The following NPHP4 variants were observed in gnomAD, a reference collection of about 807,000 sequenced individuals.
The protein encoded by NPHP4 is nephrocystin 4.
Under a neutral mutation model 155.8 loss-of-function variants are expected in NPHP4, and 151 were observed. The observed-to-expected ratio is 0.97, with a 90% CI of 0.85 to 1.11. The LOEUF (loss-of-function observed/expected upper bound fraction) is 1.11, where lower values mean the gene tolerates loss of function less well. Among genes scored for constraint, NPHP4 ranks in the 50% least tolerant of loss-of-function variants. The probability of loss-of-function intolerance (pLI) is 0.00; values close to 1 mark genes in which losing one functional copy is unlikely to be tolerated. For synonymous variants in NPHP4, 845 were observed against 816.8 expected (o/e 1.03, Z -0.59); for missense variants, 1,956 against 1,925.7 (o/e 1.02, Z -0.29).
At chr1:5,964,941 A>ATAAATATTTTTTTTTTTTT in intron 5 of NPHP4, among the ~76,000 whole-genome samples, 1 of 59,428 alleles carries the variant, frequency 1.7e-5, no homozygotes, top group African/African-American at 8.5e-5. Flanking sequence ...ATATATATAT[A>ATAAATATTTTTTTTTTTTT]TTTTTTTTTT....
chr1:5,888,541 G>T, intron 17 of NPHP4: 1 of 1,347,442 alleles, frequency 7.4e-7, no homozygotes, highest in Non-Finnish European at 9.8e-7. Context: ...CACTGCATAC[G>T]ATCACTGCAT....
chr1:5,912,199 A>G (rs1014427701), intron 11 of NPHP4, among the ~76,000 whole-genome samples: 2 of 152,194 alleles, frequency 1.3e-5, no homozygotes, highest in Non-Finnish European at 2.9e-5. Flanking sequence ...ATGGGAGGAG[A>G]CCAGCCGGTG....
At chr1:5,976,387 A>G (rs1024431547) in intron 3 of NPHP4, among the ~76,000 whole-genome samples, 2 of 152,170 alleles carry the variant, frequency 1.3e-5, no homozygotes, top group Non-Finnish European at 2.9e-5. Context: ...CACCCGCCGC[A>G]TGGCTGTCAC....
chr1:5,934,816 CAG>C (rs1477413665), intron 9 of NPHP4, among the ~76,000 whole-genome samples: 1 of 152,206 alleles, frequency 6.6e-6, no homozygotes, highest in East Asian at 1.9e-4. Context: ...CCACCAGGAA[CAG>C]AGACACCCAG....
chr1:5,951,826 G>T (rs1467811001), intron 7 of NPHP4, among the ~76,000 whole-genome samples: 1 of 152,212 alleles, frequency 6.6e-6, no homozygotes, highest in Non-Finnish European at 1.5e-5. Context: ...GCTGTCAGAG[G>T]TGACAGGAGC....
intron 7 of NPHP4, among the ~76,000 whole-genome samples, chr1:5,951,101 C>T (rs1349814974): frequency 1.3e-5 from 2 of 152,202 alleles, no homozygotes; most frequent in Non-Finnish European, 2.9e-5. Flanking sequence ...GCGGTAGAAC[C>T]AGAACAGAAA....
Position 5,978,163 on chromosome 1 carries a change from C to T in NPHP4, c.279+107G>A, listed in dbSNP as rs114868012. 1.3e-4 allele frequency: 136 copies of T among 1,028,406 alleles called. No individual in the cohort carries two copies. The African/African-American group carries it at 1.6e-3, about 12-fold the overall frequency. 63.7% of individuals were successfully genotyped at this position (1,028,406 alleles called of 1,614,324 possible). On this transcript the variant is annotated intron_variant, in intron 3 of 29. Coordinates refer to ENST00000378156, the MANE Select transcript of NPHP4 (RefSeq NM_015102.5). ...TGCCTGGACCCACAAGTCTGAGACG[C>T]GCTGTGAGGTCTCGGCAAGGCCCCA...
At chr1:5,965,898 G>A (rs751424011) in intron 5 of NPHP4, among the ~76,000 whole-genome samples, 8 of 152,138 alleles carry the variant, frequency 5.3e-5, no homozygotes, top group Non-Finnish European at 8.8e-5. Flanking sequence ...GTGCCACCAC[G>A]TTTTGAACAC....
At chr1:5,865,619 T>G in intron 26 of NPHP4, 7 of 207,614 alleles carry the variant, frequency 3.4e-5, no homozygotes, top group South Asian at 1.5e-4. Context: ...CCACCCCCAA[T>G]AGGGGTTCTG....
intron 16 of NPHP4, among the ~76,000 whole-genome samples, chr1:5,900,636 G>A (rs1644628532): frequency 6.6e-6 from 1 of 152,136 alleles, no homozygotes; most frequent in Non-Finnish European, 1.5e-5. Flanking sequence ...ATGATGTCAT[G>A]TATTTGTCAA....
At chr1:5,928,580 T>C (rs1646128717) in intron 10 of NPHP4, among the ~76,000 whole-genome samples, 1 of 150,354 alleles carries the variant, frequency 6.7e-6, no homozygotes, top group South Asian at 2.1e-4. Context: ...TCATATGGCA[T>C]ATTTAATTTC....
intron 23 of NPHP4, among the ~76,000 whole-genome samples, chr1:5,872,778 G>A (rs1444604151): frequency 2.0e-5 from 3 of 152,224 alleles, no homozygotes; most frequent in Non-Finnish European, 1.5e-5. Flanking sequence ...CCATAAAGCA[G>A]CAGTGTCTCA....
Position 5,904,929 on chromosome 1 carries a change from C to T in NPHP4, c.1956-125G>A, listed in dbSNP as rs988926631. ...CGCTGGGGAACAGTAAAGAGGCTGC[C>T]GTGGTCACCAATGCAACCGCTTTGC... On this transcript the variant is annotated intron_variant, in intron 15 of 29. Transcript: ENST00000378156. 7 of 973,996 alleles carry T rather than the reference C, an allele frequency of 7.2e-6. No individual in the cohort carries two copies. In the African/African-American group the frequency reaches 9.6e-5, roughly 13 times the overall value. The allele number at this position is 973,996 out of a possible 1,614,324, so 60.3% of individuals were successfully genotyped here. A position where few individuals can be genotyped will look rare whatever the true frequency, so the allele number is the denominator to read the frequency against.
At chr1:5,899,120 T>C (rs1377183369) in intron 16 of NPHP4, among the ~76,000 whole-genome samples, 2 of 152,172 alleles carry the variant, frequency 1.3e-5, no homozygotes, top group African/African-American at 4.8e-5. Flanking sequence ...GAAACCTGCT[T>C]GGCAGATCCA....
intron 2 of NPHP4, among the ~76,000 whole-genome samples, chr1:5,979,866 G>A (rs1654360829): frequency 6.6e-6 from 1 of 152,110 alleles, no homozygotes; most frequent in South Asian, 2.1e-4. Flanking sequence ...GGGCCTCAGT[G>A]ACGAGATAAG....
At chr1:5,913,066 G>C (rs1645269321) in intron 11 of NPHP4, among the ~76,000 whole-genome samples, 1 of 151,010 alleles carries the variant, frequency 6.6e-6, no homozygotes, top group Non-Finnish European at 1.5e-5. Flanking sequence ...CAGAAGAATT[G>C]CTTGAACCCA....
At chr1:5,913,993 A>G (rs1436152056) in intron 11 of NPHP4, among the ~76,000 whole-genome samples, 1 of 152,290 alleles carries the variant, frequency 6.6e-6, no homozygotes. Context: ...CCGCAAAGTA[A>G]GTACACTGGG....
At chr1:5,901,617 T>C (rs1644686805) in intron 16 of NPHP4, among the ~76,000 whole-genome samples, 1 of 152,250 alleles carries the variant, frequency 6.6e-6, no homozygotes, top group Admixed American at 6.5e-5. Context: ...AAGGGGTTTA[T>C]ATTCAAGTCA....
Position 5,967,375 on chromosome 1 carries a change from G to C in NPHP4, c.453-12C>G. The C allele has an allele frequency of 1.2e-6, 2 of 1,601,360 alleles. No homozygotes were observed. The highest frequency in any genetic ancestry group is 1.7e-6 in the Non-Finnish European group (2 of 1,174,242). On this transcript the variant is annotated splice_polypyrimidine_tract_variant and intron_variant, in intron 4 of 29. Coordinates refer to ENST00000378156, the MANE Select transcript of NPHP4 (RefSeq NM_015102.5). ...GGTACAGCCGCAACCTGGAAGACAG[G>C]ACCCAGAGAACAGTCGTCAGCCACG... is the stretch of plus-strand genomic sequence containing the variant.
Sources: allele counts gnomAD v4.1 joint callset (sites outside exome capture counted in the v4.1 genomes callset), GRCh38; gene constraint gnomAD v4.1.1; transcripts MANE v1.5; gene names NCBI Gene and HGNC (gene_info 2026-07-23, HGNC 2026-07-21).